The following GLRA2 variants were observed in gnomAD, a reference collection of about 807,000 sequenced individuals.
GLRA2 encodes glycine receptor alpha 2.
GLRA2 carries 11 observed loss-of-function variants against 31.6 expected under a neutral mutation model. That is an observed-to-expected ratio of 0.35 (90% CI 0.22 to 0.58). The LOEUF is 0.58. GLRA2 is among the 20% of genes least tolerant of loss of function. The probability of loss-of-function intolerance (pLI) is 0.84; values close to 1 mark genes in which losing one functional copy is unlikely to be tolerated. For missense variants in GLRA2, 212 were observed against 351.8 expected, an observed-to-expected ratio of 0.60 and a Z score of 3.18; for synonymous variants, 132 against 134.0, an observed-to-expected ratio of 0.99 and a Z score of 0.10.
intron 8 of GLRA2, among the ~76,000 whole-genome samples, chrX:14,691,251 C>T (rs2091348816): frequency 9.5e-6 from 1 of 104,953 alleles, no homozygotes; most frequent in Admixed American, 1.0e-4. Context: ...CTTTAAAATC[C>T]TGGTTCTTCT....
At chrX:14,636,218 G>C (rs1249859850) in intron 7 of GLRA2, among the ~76,000 whole-genome samples, 1 of 111,827 alleles carries the variant, frequency 8.9e-6, no homozygotes, top group Non-Finnish European at 1.9e-5. Context: ...AGGAGGTAGA[G>C]CATAACTCCC....
the GLRA2 span, among the ~76,000 whole-genome samples, chrX:14,518,782 G>A: frequency 1.9e-5 from 2 of 107,412 alleles, no homozygotes; most frequent in Non-Finnish European, 3.8e-5. Context: ...AGGCCACGGC[G>A]GACCGATCAC....
intron 3 of GLRA2, among the ~76,000 whole-genome samples, chrX:14,576,449 G>A (rs1253200339): frequency 9.0e-6 from 1 of 111,382 alleles, no homozygotes; most frequent in Non-Finnish European, 1.9e-5. Context: ...CGTAATAAGA[G>A]AGGGGGCAAA....
At chrX:14,632,873 T>C (rs1252191329) in intron 7 of GLRA2, among the ~76,000 whole-genome samples, 1 of 111,819 alleles carries the variant, frequency 8.9e-6, no homozygotes, top group Non-Finnish European at 1.9e-5. Context: ...GTCAAAAAGA[T>C]AATAAGATAG....
intron 2 of GLRA2, among the ~76,000 whole-genome samples, chrX:14,544,476 C>T (rs1157018549): frequency 9.0e-6 from 1 of 111,491 alleles, no homozygotes; most frequent in Non-Finnish European, 1.9e-5. Flanking sequence ...AATTTCCACT[C>T]ATTTGCTGAG....
rs777563704 is a variant in GLRA2, at chrX:14,594,628, AT to A, written c.495-9683del. Among the ~76,000 whole-genome samples, 278 of 111,789 alleles carry A rather than the reference AT, an allele frequency of 2.5e-3. 3 individuals carry two copies. The highest frequency in any genetic ancestry group is 8.0e-3 in the African/African-American group (247 of 30,756). The stretch of plus-strand genomic sequence containing the variant: ...AGGAAATATCAAAGCATTTGGGAAA[AT>A]TTTAGCTGCAGATTTATCAGTTGCT... On this transcript the variant is annotated intron_variant, in intron 4 of 8. Transcript: ENST00000218075.
intron 4 of GLRA2, among the ~76,000 whole-genome samples, chrX:14,583,666 G>A (rs2090049671): frequency 8.9e-6 from 1 of 111,985 alleles, no homozygotes; most frequent in Non-Finnish European, 1.9e-5. Context: ...TTGAACCTGG[G>A]AGGCGGAGGT....
Position 14,683,765 on chromosome X carries a change from G to A in GLRA2, c.931-6945G>A, listed in dbSNP as rs576961045. The stretch of plus-strand genomic sequence containing the variant: ...GATCCAGTTTCAGCTTTCTACATAT[G>A]GCTAGCCAATTTTCCCAGCACCATT... On this transcript the variant is annotated intron_variant, in intron 7 of 8. Coordinates refer to ENST00000218075, the MANE Select transcript of GLRA2 (RefSeq NM_002063.4). Among the ~76,000 whole-genome samples, 10 of 110,738 alleles carry A rather than the reference G, an allele frequency of 9.0e-5. No individual in the cohort carries two copies. The South Asian group carries it at 3.8e-3, about 43-fold the overall frequency.
At chrX:14,507,882 G>A in the GLRA2 span, among the ~76,000 whole-genome samples, 1 of 107,793 alleles carries the variant, frequency 9.3e-6, no homozygotes, top group African/African-American at 3.4e-5. Context: ...TTAGAAGAAA[G>A]GGGGTTTCAC....
the GLRA2 span, among the ~76,000 whole-genome samples, chrX:14,520,532 T>C: frequency 8.9e-6 from 1 of 112,515 alleles, no homozygotes; most frequent in East Asian, 2.8e-4. Context: ...ATTTGACACA[T>C]TTATGGCCTG....
chrX:14,478,453 G>C, the GLRA2 span, among the ~76,000 whole-genome samples: 1 of 111,914 alleles, frequency 8.9e-6, no homozygotes, highest in South Asian at 3.7e-4. Context: ...TGTATTGCTA[G>C]CTAGATGAAA....
the GLRA2 span, among the ~76,000 whole-genome samples, chrX:14,462,849 A>G: frequency 2.8e-4 from 31 of 111,657 alleles, no homozygotes; most frequent in Middle Eastern, 4.6e-3. Context: ...ACTTCTGTCA[A>G]CTTGTCAAAG....
chrX:14,707,478 A>G (rs944811662), intron 8 of GLRA2, among the ~76,000 whole-genome samples: 1 of 111,158 alleles, frequency 9.0e-6, no homozygotes, highest in South Asian at 3.8e-4. Flanking sequence ...TGACATGAGA[A>G]TATTGCATGA....
intron 8 of GLRA2, among the ~76,000 whole-genome samples, chrX:14,725,190 C>T (rs1046677543): frequency 1.8e-5 from 2 of 111,854 alleles, no homozygotes; most frequent in African/African-American, 6.5e-5. Context: ...ATGGTACAGA[C>T]TCTTAATAAA....
the GLRA2 span, among the ~76,000 whole-genome samples, chrX:14,524,012 A>G: frequency 8.9e-6 from 1 of 112,070 alleles, no homozygotes; most frequent in African/African-American, 3.2e-5. Context: ...GATTGCAGCA[A>G]TTCAGTCACA....
At chrX:14,650,341 A>G (rs73199681) in intron 7 of GLRA2, among the ~76,000 whole-genome samples, 27,297 of 109,219 alleles carry the variant, frequency 0.25, 2,691 homozygotes, top group Non-Finnish European at 0.31. Flanking sequence ...ATTTTTCTTC[A>G]TGGTGTGCAA....
chrX:14,698,681 CAAAAAAAAAAAAAA>C (rs749925474), intron 8 of GLRA2, among the ~76,000 whole-genome samples: 2 of 21,125 alleles, frequency 9.5e-5, no homozygotes, highest in Admixed American at 8.7e-4. Context: ...CTATCTATCT[CAAAAAAAAAAAAAA>C]AAAAAAAAAA....
At chrX:14,492,727 C>G in the GLRA2 span, among the ~76,000 whole-genome samples, 1 of 111,434 alleles carries the variant, frequency 9.0e-6, no homozygotes, top group Admixed American at 9.5e-5. Context: ...AAATGAGAAC[C>G]AAAATTTCTA....
chrX:14,608,971 T>C lies in GLRA2; in HGVS notation c.716-20T>C. The C allele has an allele frequency of 1.3e-6, 1 of 780,520 alleles. No homozygotes were observed. Among genetic ancestry groups the C allele is most frequent in the Middle Eastern group, 2.9e-4 (1 of 3,431 alleles). The allele number at this position is 780,520 out of a possible 1,213,427, so 64.3% of individuals were successfully genotyped here. A position where few individuals can be genotyped will look rare whatever the true frequency, so the allele number is the denominator to read the frequency against. ...ATATAAATTCAGGCTGGACTTTAAA[T>C]GATCATTTCCTCCTTCTAGGAAAGT... is the stretch of plus-strand genomic sequence containing the variant. On this transcript the variant is annotated intron_variant, in intron 6 of 8. Coordinates refer to ENST00000218075, the MANE Select transcript of GLRA2 (RefSeq NM_002063.4).
Sources: gnomAD v4.1 joint callset for allele counts (sites outside exome capture counted in the v4.1 genomes callset) on GRCh38, gnomAD v4.1.1 for gene constraint, MANE v1.5 for transcripts, NCBI Gene and HGNC (gene_info 2026-07-23, HGNC 2026-07-21) for gene names.